TOGARAM2: variants seen among roughly 807,000 people sequenced by gnomAD.
TOGARAM2 encodes the protein TOG array regulator of axonemal microtubules 2, also known as TOG array regulator of axonemal microtubules protein 2.
Under a neutral mutation model 93.3 loss-of-function variants are expected in TOGARAM2, and 85 were observed. The observed-to-expected ratio is 0.91, with a 90% confidence interval of 0.76 to 1.09. The LOEUF (loss-of-function observed/expected upper bound fraction) is 1.09, where lower values mean the gene tolerates loss of function less well. Among genes scored for constraint, TOGARAM2 ranks in the 50% least tolerant of loss-of-function variants. The probability of loss-of-function intolerance (pLI) is 0.00; values close to 1 mark genes in which losing one functional copy is unlikely to be tolerated. For synonymous variants in TOGARAM2, 593 were observed against 552.8 expected (o/e 1.07, Z -1.02); for missense variants, 1,277 against 1,334.5 (o/e 0.96, Z 0.67).
intron 4 of TOGARAM2, among the ~76,000 whole-genome samples, chr2:29,000,952 C>A (rs980792003): frequency 4.6e-5 from 7 of 152,168 alleles, no homozygotes; most frequent in Non-Finnish European, 8.8e-5. Flanking sequence ...TATTTCATTT[C>A]TTTTTTACAA....
intron 1 of TOGARAM2, among the ~76,000 whole-genome samples, chr2:28,983,193 TATATA>T (rs1558400297): frequency 2.0e-5 from 1 of 50,158 alleles, no homozygotes; most frequent in African/African-American, 5.8e-5. Flanking sequence ...TATATATATA[TATATA>T]TTTTTTTTTT....
At position 29,026,852 on chromosome 2, in the gene TOGARAM2, GC is replaced by G; in HGVS notation, c.1855del (p.His619ThrfsTer5). Reference protein sequence around the residue: ...SLVVLTSAGVYHRNPLIRKYA... With the variant: ...SLVVLTSAGVXHRNPLIRKYA... ...ACCCCTGGGCCATGATTTCCTTTCA[GC>G]CACCGGAACCCCTTGATCCGGAAAT... On this transcript the variant is annotated frameshift_variant and splice_region_variant, in exon 14 of 20. Coordinates refer to ENST00000379558, the MANE Select transcript of TOGARAM2 (RefSeq NM_199280.4). LOFTEE classifies it high-confidence loss of function. 1 of 1,582,666 alleles carries G rather than the reference GC, an allele frequency of 6.3e-7. No individual in the cohort carries two copies. Among genetic ancestry groups the G allele is most frequent in the Non-Finnish European group, 8.6e-7 (1 of 1,162,226 alleles).
chr2:28,970,891 T>C (rs1242949602), intron 1 of TOGARAM2: 2 of 152,170 alleles, frequency 1.3e-5, no homozygotes, highest in Non-Finnish European at 2.9e-5. Flanking sequence ...AATCTTTTCT[T>C]CCATTCACAT....
At chr2:29,026,209 G>A (rs1483981015) in intron 13 of TOGARAM2, among the ~76,000 whole-genome samples, 3 of 152,076 alleles carry the variant, frequency 2.0e-5, no homozygotes, top group Admixed American at 2.0e-4. Flanking sequence ...CCTCACCCCA[G>A]TACTGTTCTC....
chr2:29,008,182 A>G (rs1292997813), intron 6 of TOGARAM2, among the ~76,000 whole-genome samples: 1 of 151,336 alleles, frequency 6.6e-6, no homozygotes, highest in East Asian at 2.0e-4. Flanking sequence ...ATGGAGTCTC[A>G]CTCTGTCACC....
chr2:28,968,829 A>AC (rs1456150629), intron 1 of TOGARAM2, among the ~76,000 whole-genome samples: 4 of 109,526 alleles, frequency 3.7e-5, no homozygotes, highest in African/African-American at 1.5e-4. Context: ...AAAAAAAAAA[A>AC]AAAAAAAAAA....
intron 1 of TOGARAM2, among the ~76,000 whole-genome samples, chr2:28,990,199 T>C (rs891715938): frequency 1.3e-5 from 2 of 152,224 alleles, no homozygotes; most frequent in Admixed American, 1.3e-4. Context: ...ACCCTGCGTA[T>C]AATCAGTGTG....
At chr2:29,042,612 C>T (rs1666502084) in intron 18 of TOGARAM2, among the ~76,000 whole-genome samples, 1 of 152,224 alleles carries the variant, frequency 6.6e-6, no homozygotes, top group Non-Finnish European at 1.5e-5. Flanking sequence ...CTTACTCTCA[C>T]ACCATCTGCC....
intron 1 of TOGARAM2, among the ~76,000 whole-genome samples, chr2:28,990,887 C>T (rs1009941144): frequency 9.9e-5 from 15 of 151,826 alleles, no homozygotes; most frequent in African/African-American, 3.4e-4. Flanking sequence ...GCATGAGAGG[C>T]GTCTCTGTCA....
chr2:29,033,702 T>A, intron 16 of TOGARAM2, 139 bp downstream of exon 16: 1 of 690,126 alleles, frequency 1.4e-6, no homozygotes, highest in Non-Finnish European at 2.4e-6. Flanking sequence ...GCTGCAATAC[T>A]AATAGATGAA....
chr2:29,017,162 C>T lies in TOGARAM2; in HGVS notation c.1053C>T (p.Val351=). The T allele has an allele frequency of 1.2e-6, 2 of 1,612,824 alleles. No homozygotes were observed. Among genetic ancestry groups the T allele is most frequent in the Non-Finnish European group, 1.7e-6 (2 of 1,179,424 alleles). ...CCTTGACCTTGTGCCAGATCCAAGT[C>T]ACCATCTCCAAGTCTGCCCGGGAGA... is the stretch of plus-strand genomic sequence containing the variant. ...DQKEIGTKIQ[V]TISKSAREKM... is the part of the protein sequence containing the mutation. Residue 351 remains valine, a synonymous_variant, in exon 9 of 20, where the codon GTC becomes GTT. Transcript: ENST00000379558.
At chr2:29,041,780 G>A (rs1457485401) in intron 18 of TOGARAM2, among the ~76,000 whole-genome samples, 2 of 152,182 alleles carry the variant, frequency 1.3e-5, no homozygotes, top group African/African-American at 2.4e-5. Flanking sequence ...AAAGCACCAG[G>A]TTAGGCTAAT....
chr2:29,012,520 G>T (rs750255900), intron 7 of TOGARAM2, among the ~76,000 whole-genome samples: 1 of 152,178 alleles, frequency 6.6e-6, no homozygotes, highest in Non-Finnish European at 1.5e-5. Flanking sequence ...GGACGCTGGT[G>T]TGGGGGTTGG....
chr2:29,005,042 GTGTGCA>G (rs1393797915), intron 6 of TOGARAM2, among the ~76,000 whole-genome samples: 2 of 18,184 alleles, frequency 1.1e-4, no homozygotes, highest in African/African-American at 9.1e-5. Context: ...GAGTGCATGT[GTGTGCA>G]TGTGTATGTG....
At chr2:29,051,500 A>AAAAAACT in intron 19 of TOGARAM2, 1 of 335,788 alleles carries the variant, frequency 3.0e-6, no homozygotes, top group Non-Finnish European at 5.3e-6. Flanking sequence ...TCTCCATAAA[A>AAAAAACT]AATATTTAAA....
rs1307489057 is a variant in TOGARAM2 at position 29,003,614 on chromosome 2, T to C, written c.762T>C (p.Pro254=). The change falls in exon 6 of 20, where the codon CCT becomes CCC. Residue 254 remains proline, a synonymous_variant. Transcript: ENST00000379558. ...RTVAATPSRV[P]GSLPSPLPPG... ...TTGCAGCGACCCCCTCCCGTGTGCC[T>C]GGCTCCCTTCCCAGCCCGTTACCTC... The C allele has an allele frequency of 3.1e-6, 5 of 1,593,556 alleles. No individual in the cohort carries two copies. The highest frequency in any genetic ancestry group is 4.3e-6 in the Non-Finnish European group (5 of 1,171,088).
intron 6 of TOGARAM2, among the ~76,000 whole-genome samples, chr2:29,008,214 G>A (rs1047551595): frequency 2.0e-5 from 3 of 151,846 alleles, no homozygotes; most frequent in Non-Finnish European, 2.9e-5. Flanking sequence ...GCAGTGGCAC[G>A]ATCTTGGCTC....
chr2:29,025,678 G>A (rs1665307292), intron 13 of TOGARAM2, among the ~76,000 whole-genome samples: 1 of 152,190 alleles, frequency 6.6e-6, no homozygotes, highest in African/African-American at 2.4e-5. Context: ...CCACTGGGGT[G>A]AGACTCTAGG....
intron 1 of TOGARAM2, among the ~76,000 whole-genome samples, chr2:28,964,426 T>C (rs578063989): frequency 6.6e-6 from 1 of 152,136 alleles, no homozygotes; most frequent in South Asian, 2.1e-4. Context: ...GTGTTTTTAA[T>C]TTCAAAGTGT....
Sources: gnomAD v4.1 joint callset for allele counts (sites outside exome capture counted in the v4.1 genomes callset) on GRCh38, gnomAD v4.1.1 for gene constraint, MANE v1.5 for transcripts, NCBI Gene and HGNC (gene_info 2026-07-23, HGNC 2026-07-21) for gene names.